SUN1: variants seen among roughly 807,000 people sequenced by gnomAD.
SUN1 encodes Sad1 and UNC84 domain containing 1.
Under a neutral mutation model 103.2 loss-of-function variants are expected in SUN1, and 61 were observed. That is an observed-to-expected ratio of 0.59 (90% CI 0.48 to 0.73). The LOEUF is 0.73. Ranked by LOEUF, SUN1 falls within the 30% of genes least tolerant of loss-of-function variation. The pLI is 0.00. For synonymous variants in SUN1, 490 were observed against 425.7 expected (o/e 1.15, Z -1.86); for missense variants, 1,052 against 1,034.6 (o/e 1.02, Z -0.23).
intron 5 of SUN1, chr7:843,791 A>G (rs1186115213): frequency 1.4e-5 from 20 of 1,422,554 alleles, no homozygotes; most frequent in Non-Finnish European, 1.7e-5. Flanking sequence ...AAGCGAAACT[A>G]ATAAAACTAC....
At position 847,882 on chromosome 7, in the gene SUN1, C is replaced by G. The variant is rs1370827428; in HGVS notation, c.659-3502C>G. Among the ~76,000 whole-genome samples, 2 of 150,922 alleles carry G rather than the reference C, an allele frequency of 1.3e-5. 1 individual carries two copies. Among genetic ancestry groups the G allele is most frequent in the Non-Finnish European group, 3.0e-5 (2 of 67,540 alleles). On this transcript the variant is annotated intron_variant, in intron 5 of 18. Coordinates refer to ENST00000401592, the MANE Select transcript of SUN1 (RefSeq NM_001130965.3). ...TGGCGGCCTTCCCCTGGGGGTTACC[C>G]CGCAGCGCCGTCTCCGGGATCCCCT... is the stretch of plus-strand genomic sequence containing the variant.
chr7:858,892 C>T (rs1201747421), intron 13 of SUN1, among the ~76,000 whole-genome samples: 1 of 152,184 alleles, frequency 6.6e-6, no homozygotes, highest in Non-Finnish European at 1.5e-5. Flanking sequence ...CCGCGGCTCA[C>T]GCCTGTGATT....
chr7:816,529 T>G (rs1780547340), upstream of SUN1: 1 of 343,304 alleles, frequency 2.9e-6, no homozygotes, highest in African/African-American at 2.4e-5. Context: ...GCCAGAACGC[T>G]TCGGGTGGCG....
At chr7:872,800 A>C (rs1024506524) in intron 18 of SUN1, among the ~76,000 whole-genome samples, 1 of 152,202 alleles carries the variant, frequency 6.6e-6, no homozygotes, top group African/African-American at 2.4e-5. Flanking sequence ...TTAAAAAGTT[A>C]ACTTCCAGCT....
chr7:817,457 A>G (rs1188089490), intron 1 of SUN1: 40 of 1,535,996 alleles, frequency 2.6e-5, no homozygotes, highest in Non-Finnish European at 3.3e-5. Context: ...TGTCACCGTC[A>G]TGGGGAGGAT....
chr7:857,970 C>T lies in SUN1; in HGVS notation c.1524+13C>T. The T allele has an allele frequency of 6.5e-7, 1 of 1,539,916 alleles. No individual in the cohort carries two copies. The highest frequency in any genetic ancestry group is 8.8e-7 in the Non-Finnish European group (1 of 1,137,008). ...CGTACAAGAAAGAGTGAGCTTTCTG[C>T]ATGTTTACTTTTTGTTTTATAATAG... On this transcript the variant is annotated intron_variant, in intron 13 of 18. Transcript: ENST00000401592.
chr7:857,152 C>G (rs994742476), intron 12 of SUN1, among the ~76,000 whole-genome samples: 1 of 152,156 alleles, frequency 6.6e-6, no homozygotes. Flanking sequence ...CCCCACAGCC[C>G]TCCCCGCCTG....
At chr7:850,783 C>G (rs10950709) in intron 5 of SUN1, 2 of 76,674 alleles carry the variant, frequency 2.6e-5, no homozygotes, top group African/African-American at 9.9e-5. Flanking sequence ...AAAAAAAAAA[C>G]AAAAAAAAAC....
intron 1 of SUN1, chr7:817,476 G>T: frequency 6.5e-7 from 1 of 1,535,990 alleles, no homozygotes; most frequent in Non-Finnish European, 8.7e-7. Context: ...ATTTCTCCCG[G>T]CTCCCCAGGG....
intron 16 of SUN1, among the ~76,000 whole-genome samples, chr7:867,354 G>T (rs949420969): frequency 2.0e-5 from 3 of 152,272 alleles, no homozygotes; most frequent in African/African-American, 4.8e-5. Context: ...CACAGTCTGT[G>T]TCACCTGGCA....
chr7:817,540 C>T (rs1421953699), intron 1 of SUN1: 2 of 1,533,376 alleles, frequency 1.3e-6, no homozygotes, highest in Admixed American at 3.9e-5. Flanking sequence ...CGCTTTGCAG[C>T]TTGTGGTTGC....
At position 869,429 on chromosome 7, in the gene SUN1, C is replaced by T. The variant is rs1382671083; in HGVS notation, c.2061C>T (p.His687=). 1.9e-6 allele frequency: 3 copies of T among 1,613,894 alleles called. No homozygotes were observed. The highest frequency in any genetic ancestry group is 1.3e-5 in the African/African-American group (1 of 74,992). The change falls in exon 17 of 19, where the codon CAC becomes CAT. Residue 687 remains histidine (H), a synonymous_variant. Coordinates refer to ENST00000401592, the MANE Select transcript of SUN1 (RefSeq NM_001130965.3). The part of the protein sequence containing the change: ...YLVVRLSMMI[H]PAAFTLEHIP... ...TGGTGAGGCTCTCCATGATGATCCA[C>T]CCAGCCGCCTTCACTCTGGAGCACA...
intron 15 of SUN1, among the ~76,000 whole-genome samples, chr7:865,702 C>A (rs1835922637): frequency 6.6e-6 from 1 of 152,210 alleles, no homozygotes; most frequent in Non-Finnish European, 1.5e-5. Context: ...TTCCATCCCA[C>A]CAACAGTGCG....
intron 1 of SUN1, among the ~76,000 whole-genome samples, chr7:826,697 C>T (rs1422642028): frequency 6.6e-6 from 1 of 152,142 alleles, no homozygotes; most frequent in Non-Finnish European, 1.5e-5. Context: ...GCAGGTTCCC[C>T]ACGGTTTCTG....
rs1357192155 is a variant in SUN1, at chr7:869,387, C to T, written c.2019C>T (p.Gly673=). ...IYPGNCWAFK[G]SQGYLVVRLS... ...CCGGTAACTGCTGGGCATTTAAAGG[C>T]TCCCAGGGGTACCTGGTGGTGAGGC... is the stretch of plus-strand genomic sequence containing the variant. Residue 673 remains glycine (G), a synonymous_variant, in exon 17 of 19, where the codon GGC becomes GGT. Coordinates refer to ENST00000401592, the MANE Select transcript of SUN1 (RefSeq NM_001130965.3). 2.5e-6 allele frequency: 4 copies of T among 1,613,882 alleles called. No individual in the cohort carries two copies. The highest frequency in any genetic ancestry group is 1.3e-5 in the African/African-American group (1 of 75,022).
At position 857,958 on chromosome 7, in the gene SUN1, G is replaced by T. The variant is rs1829024406; in HGVS notation, c.1524+1G>T. The T allele has an allele frequency of 1.9e-6, 3 of 1,555,072 alleles. No homozygotes were observed. Among genetic ancestry groups the T allele is most frequent in the Non-Finnish European group, 2.6e-6 (3 of 1,143,464 alleles). Reference sequence around the variant, plus strand: ...GACAGTGGATGCCGTACAAGAAAGAGTGAGCTTTCTGCATGTTTACTTTTT... The same window carrying T: ...GACAGTGGATGCCGTACAAGAAAGATTGAGCTTTCTGCATGTTTACTTTTT... On this transcript the variant is annotated splice_donor_variant, in intron 13 of 18. Transcript: ENST00000401592. LOFTEE classifies it high-confidence loss of function.
intron 12 of SUN1, among the ~76,000 whole-genome samples, chr7:857,614 G>A (rs1367838563): frequency 6.6e-6 from 1 of 152,200 alleles, no homozygotes. Flanking sequence ...GTGAACATTT[G>A]TATGTTACAG....
At chr7:844,989 C>G (rs1275366482) in intron 5 of SUN1, among the ~76,000 whole-genome samples, 1 of 152,176 alleles carries the variant, frequency 6.6e-6, no homozygotes, top group Non-Finnish European at 1.5e-5. Flanking sequence ...TTTATTGAGG[C>G]TGTGTTTTGA....
At chr7:855,554 G>A (rs1463309394) in intron 11 of SUN1, among the ~76,000 whole-genome samples, 5 of 152,192 alleles carry the variant, frequency 3.3e-5, no homozygotes, top group South Asian at 2.1e-4. Context: ...TCACATGTGC[G>A]TGTGTGTATT....
Sources: allele counts gnomAD v4.1 joint callset (sites outside exome capture counted in the v4.1 genomes callset), GRCh38; gene constraint gnomAD v4.1.1; transcripts MANE v1.5; gene names NCBI Gene and HGNC (gene_info 2026-07-23, HGNC 2026-07-21).